Variants in MREG observed in about 807,000 individuals in gnomAD.
The protein encoded by MREG is dilute suppressor protein homolog.
A neutral mutation model predicts 28.5 loss-of-function variants in MREG; 31 were observed. The observed-to-expected ratio is 1.09, with a 90% CI of 0.82 to 1.47. MREG has a LOEUF of 1.47. MREG is among the 40% of genes most tolerant of loss of function. The probability of loss-of-function intolerance (pLI) is 0.00; values close to 1 mark genes in which losing one functional copy is unlikely to be tolerated. For missense variants in MREG, 256 were observed against 257.4 expected (o/e 0.99, Z 0.04); for synonymous variants, 106 against 95.2 (o/e 1.11, Z -0.66).
intron 2 of MREG, among the ~76,000 whole-genome samples, chr2:215,982,226 C>T (rs1373369223): frequency 6.6e-6 from 1 of 151,350 alleles, no homozygotes; most frequent in Non-Finnish European, 1.5e-5. Flanking sequence ...GAGGCTGAGA[C>T]AGGAGAATCA....
chr2:215,985,550 A>G (rs939669738), intron 2 of MREG, among the ~76,000 whole-genome samples: 7 of 152,154 alleles, frequency 4.6e-5, no homozygotes, highest in Non-Finnish European at 1.0e-4. Context: ...TTTGACACCA[A>G]ATGACTTTAA....
chr2:216,009,970 TC>T (rs1694254991), intron 1 of MREG, among the ~76,000 whole-genome samples: 1 of 152,068 alleles, frequency 6.6e-6, no homozygotes, highest in South Asian at 2.1e-4. Flanking sequence ...CTGAATAGTT[TC>T]CCCCCAAAAG....
chr2:215,973,150 A>T (rs1693150209), intron 2 of MREG, among the ~76,000 whole-genome samples: 2 of 152,122 alleles, frequency 1.3e-5, no homozygotes, highest in Non-Finnish European at 2.9e-5. Flanking sequence ...TTAAAAGGAG[A>T]GCCCAGGACA....
intron 2 of MREG, among the ~76,000 whole-genome samples, chr2:215,987,923 A>T (rs958574011): frequency 5.3e-5 from 8 of 152,078 alleles, no homozygotes; most frequent in African/African-American, 1.9e-4. Flanking sequence ...AAAATAAAAA[A>T]ATTTAAAAAA....
intron 2 of MREG, among the ~76,000 whole-genome samples, chr2:215,980,959 TAAC>T (rs1308892947): frequency 6.6e-6 from 1 of 151,812 alleles, no homozygotes; most frequent in Non-Finnish European, 1.5e-5. Context: ...GAAATATTAA[TAAC>T]AAGTGTTGGC....
chr2:215,964,176 A>G (rs1692873970), intron 2 of MREG, among the ~76,000 whole-genome samples: 2 of 152,126 alleles, frequency 1.3e-5, no homozygotes, highest in Admixed American at 1.3e-4. Flanking sequence ...CAAATATACC[A>G]AGGGGTTAAT....
At chr2:215,958,352 C>T (rs1457019886) in intron 2 of MREG, among the ~76,000 whole-genome samples, 6 of 152,154 alleles carry the variant, frequency 3.9e-5, no homozygotes, top group African/African-American at 1.4e-4. Flanking sequence ...AGAGTTCGTG[C>T]AGCAAACCAG....
chr2:216,027,861 T>C (rs1160160448), intron 1 of MREG, among the ~76,000 whole-genome samples: 1 of 113,786 alleles, frequency 8.8e-6, no homozygotes, highest in Non-Finnish European at 1.8e-5. Flanking sequence ...ATTCACAAGT[T>C]GCATTGTTTT....
At position 215,958,545 on chromosome 2, in the gene MREG, C is replaced by T. The variant is rs115418372; in HGVS notation, c.256-11432G>A. Reference sequence around the variant, plus strand: ...GATGCAAGCAGCCACAGCGCTCTGCCCTTAATGAACTCCTTGACCTCCTCA... The same window carrying T: ...GATGCAAGCAGCCACAGCGCTCTGCTCTTAATGAACTCCTTGACCTCCTCA... On this transcript the variant is annotated intron_variant, in intron 2 of 4. Coordinates refer to ENST00000263268, the MANE Select transcript of MREG (RefSeq NM_018000.3). Among the ~76,000 whole-genome samples the T allele has an allele frequency of 3.5e-3, 528 of 152,344 alleles. 2 individuals carry two copies. The highest frequency in any genetic ancestry group is 6.0e-3 in the Non-Finnish European group (410 of 68,036).
rs537941583 is a variant in MREG at position 215,978,121 on chromosome 2, T to C, written c.255+18185A>G. On this transcript the variant is annotated intron_variant, in intron 2 of 4. Coordinates refer to ENST00000263268, the MANE Select transcript of MREG (RefSeq NM_018000.3). ...TGGTTTTTTGAAAAGATCAACAAAATTGATAGACCACTAGTAAGACTAATA... is the reference window on the plus strand; with the variant it reads ...TGGTTTTTTGAAAAGATCAACAAAACTGATAGACCACTAGTAAGACTAATA... Among the ~76,000 whole-genome samples, 18 of 151,970 alleles carry C rather than the reference T, an allele frequency of 1.2e-4. No homozygotes were observed. The South Asian group carries it at 3.3e-3, about 28-fold the overall frequency.
chr2:215,997,355 C>T (rs946512206), intron 1 of MREG, among the ~76,000 whole-genome samples: 5 of 152,160 alleles, frequency 3.3e-5, no homozygotes, highest in Admixed American at 1.3e-4. Flanking sequence ...TGGGTGTGGA[C>T]TTACAGAGAA....
At chr2:216,006,084 T>C (rs933670650) in intron 1 of MREG, among the ~76,000 whole-genome samples, 1 of 152,172 alleles carries the variant, frequency 6.6e-6, no homozygotes, top group African/African-American at 2.4e-5. Context: ...TTTTTAAACA[T>C]AGGTGGTGTA....
intron 2 of MREG, among the ~76,000 whole-genome samples, chr2:215,955,249 G>T (rs1462862161): frequency 6.6e-6 from 1 of 152,104 alleles, no homozygotes; most frequent in African/African-American, 2.4e-5. Flanking sequence ...AGACAGAAAT[G>T]GAATAATAAA....
intron 2 of MREG, among the ~76,000 whole-genome samples, chr2:215,968,043 C>A (rs1183913256): frequency 6.6e-6 from 1 of 152,168 alleles, no homozygotes; most frequent in Non-Finnish European, 1.5e-5. Context: ...TTAAAAGCTA[C>A]ATCACCTCTT....
At chr2:215,995,281 A>G (rs760041081) in intron 2 of MREG, among the ~76,000 whole-genome samples, 11 of 152,150 alleles carry the variant, frequency 7.2e-5, no homozygotes, top group Non-Finnish European at 1.3e-4. Flanking sequence ...CCAGGCCTCA[A>G]GAGCAGAGGC....
chr2:216,016,021 G>C (rs1286560666), upstream of MREG, among the ~76,000 whole-genome samples: 1 of 152,132 alleles, frequency 6.6e-6, no homozygotes, highest in Non-Finnish European at 1.5e-5. Flanking sequence ...GAGGCTGAAG[G>C]GACTTATCAA....
At chr2:216,013,742 A>T (rs1694380991), upstream of MREG, 1 of 152,274 alleles carries the variant, frequency 6.6e-6, no homozygotes, top group East Asian at 1.9e-4. Flanking sequence ...GCCACAGAGC[A>T]CGAGGTTGGG....
chr2:215,978,785 C>A (rs2105998075), intron 2 of MREG, among the ~76,000 whole-genome samples: 1 of 152,330 alleles, frequency 6.6e-6, no homozygotes, highest in East Asian at 1.9e-4. Context: ...GCAAAAACCA[C>A]ATGATTATCT....
chr2:216,016,102 A>C (rs745466854), upstream of MREG, among the ~76,000 whole-genome samples: 6 of 152,226 alleles, frequency 3.9e-5, no homozygotes, highest in Non-Finnish European at 8.8e-5. Flanking sequence ...CCTCTGGCTT[A>C]GCTGGGGAGA....
Sources: gnomAD v4.1 joint callset for allele counts (sites outside exome capture counted in the v4.1 genomes callset) on GRCh38, gnomAD v4.1.1 for gene constraint, MANE v1.5 for transcripts, NCBI Gene and HGNC (gene_info 2026-07-23, HGNC 2026-07-21) for gene names.